The following TMC2 variants were observed in gnomAD, a reference collection of about 807,000 sequenced individuals.
The protein encoded by TMC2 is transmembrane channel-like protein 2.
Under a neutral mutation model 105.9 loss-of-function variants are expected in TMC2, and 102 were observed. The ratio of observed to expected loss-of-function variants is 0.96; its 90% CI spans 0.82 to 1.14. TMC2 has a LOEUF of 1.14. Ranked by LOEUF, TMC2 falls within the 50% of genes most tolerant of loss-of-function variation. TMC2 has a pLI of 0.00. For synonymous variants in TMC2, 402 were observed against 422.8 expected, an observed-to-expected ratio of 0.95 and a Z score of 0.60; for missense variants, 1,093 against 1,134.3, an observed-to-expected ratio of 0.96 and a Z score of 0.52.
rs978388132 is a variant in TMC2 at position 2,558,622 on chromosome 20, G to C, written c.249G>C (p.Leu83=). The change falls in exon 3 of 20, where the codon CTG becomes CTC. Residue 83 remains leucine (L), a synonymous_variant. Coordinates refer to ENST00000358864, the MANE Select transcript of TMC2 (RefSeq NM_080751.3). The surrounding 1 kb of genome is among the most constrained non-coding windows in gnomAD (Gnocchi z 4.6). The part of the protein sequence containing the change: ...QTGRRRHREE[L]GEQERGEAER... ...GGCGCAGGAGACACAGAGAAGAGCTGGGGGAGCAGGAGCGGGGCGAGGCAG... is the reference window on the plus strand; with the variant it reads ...GGCGCAGGAGACACAGAGAAGAGCTCGGGGAGCAGGAGCGGGGCGAGGCAG... 1 of 1,563,304 alleles carries C rather than the reference G, an allele frequency of 6.4e-7. No homozygotes were observed. The highest frequency in any genetic ancestry group is 1.9e-5 in the Admixed American group (1 of 51,676).
intron 4 of TMC2, among the ~76,000 whole-genome samples, chr20:2,569,442 T>C (rs574666140): frequency 1.3e-3 from 194 of 152,320 alleles, no homozygotes; most frequent in Non-Finnish European, 2.1e-3. Context: ...TTACAGTGGG[T>C]TTATTGGATA....
chr20:2,555,499 C>A (rs2085980298), intron 2 of TMC2, among the ~76,000 whole-genome samples: 1 of 152,046 alleles, frequency 6.6e-6, no homozygotes, highest in Admixed American at 6.5e-5. Context: ...CTTTCTCTGC[C>A]CTTTACTTTT....
At chr20:2,542,389 A>G (rs1029928407) in intron 2 of TMC2, among the ~76,000 whole-genome samples, 1 of 152,236 alleles carries the variant, frequency 6.6e-6, no homozygotes, top group Non-Finnish European at 1.5e-5. Context: ...TTTGTTAAGC[A>G]GGTAAGAGTC....
At chr20:2,640,422 G>A (rs1158554648) in intron 19 of TMC2, among the ~76,000 whole-genome samples, 1 of 152,182 alleles carries the variant, frequency 6.6e-6, no homozygotes, top group Non-Finnish European at 1.5e-5. Context: ...AAAATGGCTA[G>A]TGGCTCAGAC....
chr20:2,561,785 C>A, intron 3 of TMC2, 73 bp from the exon 4 acceptor site: 1 of 1,529,306 alleles, frequency 6.5e-7, no homozygotes, highest in South Asian at 1.3e-5. Flanking sequence ...TGGGCCCCTC[C>A]TCATTCCACA....
At chr20:2,548,506 A>C (rs1338937837) in intron 2 of TMC2, among the ~76,000 whole-genome samples, 2 of 151,848 alleles carry the variant, frequency 1.3e-5, no homozygotes, top group Admixed American at 1.3e-4. Context: ...GGTGTGGTGG[A>C]GCATGCCTGT....
At chr20:2,575,742 G>A (rs970224440) in intron 5 of TMC2, among the ~76,000 whole-genome samples, 6 of 134,662 alleles carry the variant, frequency 4.5e-5, no homozygotes, top group African/African-American at 1.1e-4. Flanking sequence ...ACTTTTCCAC[G>A]TTATTTTTTA....
chr20:2,587,427 G>T (rs1361603713), intron 7 of TMC2, among the ~76,000 whole-genome samples: 2 of 151,826 alleles, frequency 1.3e-5, no homozygotes, highest in African/African-American at 4.8e-5. Flanking sequence ...ATTTTATCTA[G>T]AATTTTTGCA....
At chr20:2,586,516 T>C (rs1217977310) in intron 7 of TMC2, among the ~76,000 whole-genome samples, 1 of 152,180 alleles carries the variant, frequency 6.6e-6, no homozygotes, top group Non-Finnish European at 1.5e-5. Context: ...TCTGCTTCTG[T>C]TAAGGGCCTC....
At chr20:2,609,844 TTTTG>T (rs2086422003) in intron 11 of TMC2, among the ~76,000 whole-genome samples, 1 of 151,982 alleles carries the variant, frequency 6.6e-6, no homozygotes, top group Admixed American at 6.5e-5. Context: ...AGCAGTTGTT[TTTTG>T]TTTGTTTTTG....
chr20:2,539,990 CTTTTT>C (rs57860432), intron 2 of TMC2, among the ~76,000 whole-genome samples: 2 of 115,118 alleles, frequency 1.7e-5, no homozygotes, highest in Admixed American at 9.9e-5. Flanking sequence ...CTTTTCTTTT[CTTTTT>C]TTTTTTTTTT....
rs750496572 is a variant in TMC2, at chr20:2,589,270, C to CTGTGTGTGTGTGTGTGTGTG, written c.835-3005_835-2986dup. 5.1e-3 allele frequency among the ~76,000 whole-genome samples: 592 copies of CTGTGTGTGTGTGTGTGTGTG among 116,250 alleles called. 18 individuals carry two copies. Among genetic ancestry groups the CTGTGTGTGTGTGTGTGTGTG allele is most frequent in the East Asian group, 0.016 (55 of 3,354 alleles). The allele number at this position is 116,250 out of a possible 152,430, so 76.3% of individuals were successfully genotyped here. On this transcript the variant is annotated intron_variant, in intron 7 of 19. Transcript: ENST00000358864. ...TTTTCCAGATATCTTCCTATTTGCC[C>CTGTGTGTGTGTGTGTGTGTG]TGTGTGTGTGTGTGTGTGTGTGTGT...
chr20:2,550,327 C>T (rs2085949329), intron 2 of TMC2, among the ~76,000 whole-genome samples: 1 of 152,136 alleles, frequency 6.6e-6, no homozygotes, highest in South Asian at 2.1e-4. Context: ...CCAACCTGGG[C>T]GACAGAACAA....
chr20:2,565,222 G>T (rs1025265254), intron 4 of TMC2, among the ~76,000 whole-genome samples: 1 of 152,158 alleles, frequency 6.6e-6, no homozygotes, highest in Admixed American at 6.5e-5. Context: ...TTTGTGCCAG[G>T]CACTGTTCTG....
intron 2 of TMC2, among the ~76,000 whole-genome samples, chr20:2,548,860 A>G (rs1373282269): frequency 6.6e-6 from 1 of 152,218 alleles, no homozygotes; most frequent in Non-Finnish European, 1.5e-5. Flanking sequence ...AACATCAAAT[A>G]GAAGTAATGC....
At chr20:2,539,950 C>T (rs1298249862) in intron 2 of TMC2, among the ~76,000 whole-genome samples, 2 of 112,320 alleles carry the variant, frequency 1.8e-5, no homozygotes, top group African/African-American at 6.2e-5. Context: ...TTAGCTCACT[C>T]CCGCAAATAG....
intron 8 of TMC2, among the ~76,000 whole-genome samples, 180 bp from the exon 9 acceptor site, chr20:2,594,645 G>C (rs886503966): frequency 6.6e-6 from 1 of 152,228 alleles, no homozygotes; most frequent in South Asian, 2.1e-4. Flanking sequence ...GGGGAGATAT[G>C]GAGGGGCTCT....
chr20:2,561,738 A>G, intron 3 of TMC2, 120 bp from the exon 4 acceptor site: 3 of 1,291,970 alleles, frequency 2.3e-6, no homozygotes, highest in South Asian at 3.0e-5. Context: ...GGGAGTCACT[A>G]ATGGCTTCTG....
chr20:2,560,618 G>A (rs534299028), intron 3 of TMC2, among the ~76,000 whole-genome samples: 3 of 152,128 alleles, frequency 2.0e-5, no homozygotes, highest in East Asian at 1.9e-4. Flanking sequence ...TGGGTGGATC[G>A]CGAGGTCAGG....
Sources: gnomAD v4.1 joint callset for allele counts (sites outside exome capture counted in the v4.1 genomes callset) on GRCh38, gnomAD v4.1.1 for gene constraint, Gnocchi (gnomAD v3.1) non-coding constraint, MANE v1.5 for transcripts, NCBI Gene and HGNC (gene_info 2026-07-23, HGNC 2026-07-21) for gene names.